Variants in SHTN1 observed in about 807,000 individuals in gnomAD.
SHTN1 encodes the protein shootin 1, also known as shootin-1.
SHTN1 carries 42 observed loss-of-function variants against 83.1 expected under a neutral mutation model. The observed-to-expected ratio is 0.51, with a 90% CI of 0.39 to 0.65. The LOEUF (loss-of-function observed/expected upper bound fraction) is 0.65. SHTN1 is among the 30% of genes least tolerant of loss of function. The probability of loss-of-function intolerance (pLI) is 0.00; values close to 1 mark genes in which losing one functional copy is unlikely to be tolerated. For synonymous variants in SHTN1, 224 were observed against 247.7 expected (o/e 0.90, Z 0.90); for missense variants, 622 against 737.8 (o/e 0.84, Z 1.82).
intron 2 of SHTN1, among the ~76,000 whole-genome samples, chr10:117,030,535 A>T (rs1319083843): frequency 6.6e-6 from 1 of 152,132 alleles, no homozygotes; most frequent in Non-Finnish European, 1.5e-5. Flanking sequence ...CAATTCTAGA[A>T]AAACAGATAT....
upstream of SHTN1, among the ~76,000 whole-genome samples, chr10:117,007,542 G>C (rs1193333444): frequency 8.9e-6 from 1 of 112,868 alleles, no homozygotes. Flanking sequence ...GTGACAGAGT[G>C]AGACTCCATC....
At chr10:116,935,361 CT>C (rs1045691259) in intron 9 of SHTN1, among the ~76,000 whole-genome samples, 5 of 152,080 alleles carry the variant, frequency 3.3e-5, no homozygotes, top group Admixed American at 1.3e-4. Flanking sequence ...TTTACTAAGA[CT>C]TTTTAGCATG....
intron 2 of SHTN1, among the ~76,000 whole-genome samples, chr10:116,975,365 G>C (rs1303375746): frequency 6.6e-6 from 1 of 152,078 alleles, no homozygotes; most frequent in Non-Finnish European, 1.5e-5. Context: ...AGCATTAAAG[G>C]CTAGTAAAAA....
chr10:117,001,055 G>A (rs1449931789), intron 1 of SHTN1, among the ~76,000 whole-genome samples: 1 of 151,776 alleles, frequency 6.6e-6, no homozygotes, highest in African/African-American at 2.4e-5. Context: ...ATTGTATGAT[G>A]TTTTGTAAGG....
chr10:116,911,890 A>C (rs1181793530), intron 13 of SHTN1, 47 bp from the exon 14 acceptor site: 1 of 1,362,964 alleles, frequency 7.3e-7, no homozygotes, highest in Non-Finnish European at 1.1e-6. Flanking sequence ...TTCAGTTTAA[A>C]AATACTAAAC....
At chr10:117,085,444 A>G (rs1326652788) in intron 1 of SHTN1, among the ~76,000 whole-genome samples, 2 of 152,086 alleles carry the variant, frequency 1.3e-5, no homozygotes, top group Non-Finnish European at 2.9e-5. Context: ...ATATTTGGGT[A>G]TTTTCCAGCT....
intron 2 of SHTN1, among the ~76,000 whole-genome samples, chr10:117,035,115 T>C (rs1033078244): frequency 1.3e-5 from 2 of 152,202 alleles, no homozygotes; most frequent in African/African-American, 4.8e-5. Flanking sequence ...AGCATGGTCC[T>C]GGCAAAACAA....
At chr10:116,928,212 T>C (rs1363769652) in intron 10 of SHTN1, among the ~76,000 whole-genome samples, 1 of 152,192 alleles carries the variant, frequency 6.6e-6, no homozygotes, top group African/African-American at 2.4e-5. Flanking sequence ...CAACGAAGTA[T>C]ATGACTCAAA....
At chr10:116,984,912 T>A (rs183583134) in intron 1 of SHTN1, among the ~76,000 whole-genome samples, 1 of 152,346 alleles carries the variant, frequency 6.6e-6, no homozygotes, top group Admixed American at 6.5e-5. Context: ...AGACCTTTCA[T>A]ACTTAGGTAC....
intron 11 of SHTN1, 114 bp downstream of exon 11, chr10:116,927,678 T>A: frequency 7.3e-7 from 1 of 1,368,472 alleles, no homozygotes; most frequent in Non-Finnish European, 9.6e-7. Context: ...TTTAGAAAAA[T>A]TTCCAAGAGA....
At chr10:117,120,075 G>C (rs1008679265) in intron 1 of SHTN1, among the ~76,000 whole-genome samples, 2 of 151,652 alleles carry the variant, frequency 1.3e-5, no homozygotes, top group African/African-American at 4.8e-5. Flanking sequence ...TGGTTAATGG[G>C]TACAAAAAAA....
chr10:117,108,221 G>A (rs1853700041), intron 1 of SHTN1, among the ~76,000 whole-genome samples: 1 of 152,072 alleles, frequency 6.6e-6, no homozygotes, highest in Admixed American at 6.5e-5. Context: ...ACACCCAAAG[G>A]ATTATAAATC....
rs535634260 is a variant in SHTN1 at position 117,084,892 on chromosome 10, G to C, written c.-188-36382C>G. On this transcript the variant is annotated intron_variant, in intron 1 of 17. Transcript: ENST00000392901. The stretch of plus-strand genomic sequence containing the variant: ...GTGAGGCAATGCCTCGCCCTGCTTC[G>C]GCTCGCGCACGGTGCGCGCCCCCAC... 5.3e-5 allele frequency among the ~76,000 whole-genome samples: 8 copies of C among 152,046 alleles called. No homozygotes were observed. In the South Asian group the frequency reaches 8.3e-4, roughly 16 times the overall value.
At chr10:117,060,302 ATTG>A (rs1272020163) in intron 1 of SHTN1, among the ~76,000 whole-genome samples, 16 of 152,058 alleles carry the variant, frequency 1.1e-4, no homozygotes, top group African/African-American at 3.9e-4. Flanking sequence ...TAGTGGGTTT[ATTG>A]TTGTTAGGCT....
chr10:116,883,262 T>G lies in SHTN1; in HGVS notation c.*3082A>C, dbSNP rs888354982. 6.6e-6 allele frequency: 1 copy of G among 152,154 alleles called. No homozygotes were observed. Among genetic ancestry groups the G allele is most frequent in the African/African-American group, 2.4e-5 (1 of 41,436 alleles). The allele number at this position is 152,154 out of a possible 1,614,324, so 9.4% of individuals were successfully genotyped here. On this transcript the variant is annotated 3_prime_UTR_variant, in exon 17 of 17. Coordinates refer to ENST00000355371, the MANE Select transcript of SHTN1 (RefSeq NM_001127211.3). ...ACTCTTTCTACTTATACTTTCTCTC[T>G]CTTGTGTTATATAACATTTAATATG...
intron 2 of SHTN1, among the ~76,000 whole-genome samples, chr10:117,044,226 T>G (rs1487708977): frequency 6.6e-6 from 1 of 152,154 alleles, no homozygotes; most frequent in East Asian, 1.9e-4. Flanking sequence ...TTAATACATA[T>G]TCTTATACAC....
At chr10:117,046,277 A>G (rs1852663050) in intron 2 of SHTN1, among the ~76,000 whole-genome samples, 1 of 152,166 alleles carries the variant, frequency 6.6e-6, no homozygotes, top group African/African-American at 2.4e-5. Flanking sequence ...GGACATATAA[A>G]GGTACTCAAC....
At chr10:116,919,694 A>G (rs1848487896) in intron 12 of SHTN1, among the ~76,000 whole-genome samples, 2 of 152,168 alleles carry the variant, frequency 1.3e-5, no homozygotes, top group Admixed American at 6.5e-5. Flanking sequence ...GCATCAGGAA[A>G]CGCTAATAGC....
At chr10:117,125,254 C>T (rs1853986085) in intron 1 of SHTN1, among the ~76,000 whole-genome samples, 1 of 152,172 alleles carries the variant, frequency 6.6e-6, no homozygotes, top group East Asian at 1.9e-4. Context: ...TTGCCACCCT[C>T]CCACTGGTCT....
Sources: allele counts gnomAD v4.1 joint callset (sites outside exome capture counted in the v4.1 genomes callset), GRCh38; gene constraint gnomAD v4.1.1; transcripts MANE v1.5; gene names NCBI Gene and HGNC (gene_info 2026-07-23, HGNC 2026-07-21).